Variants in TXNDC16 observed in about 807,000 individuals in gnomAD.
The protein encoded by TXNDC16 is thioredoxin domain-containing protein 16.
TXNDC16 carries 74 observed loss-of-function variants against 85.6 expected under a neutral mutation model. That is an observed-to-expected ratio of 0.86 (90% confidence interval 0.72 to 1.05). The LOEUF is 1.05. Ranked by LOEUF, TXNDC16 falls within the 50% of genes least tolerant of loss-of-function variation. The pLI, the probability that TXNDC16 is intolerant of heterozygous loss-of-function variation, is 0.00. For synonymous variants in TXNDC16, 335 were observed against 326.5 expected (o/e 1.03, Z -0.28); for missense variants, 959 against 947.0 (o/e 1.01, Z -0.17).
intron 16 of TXNDC16, among the ~76,000 whole-genome samples, chr14:52,461,515 T>C (rs1423359781): frequency 6.6e-6 from 1 of 152,232 alleles, no homozygotes; most frequent in Non-Finnish European, 1.5e-5. Flanking sequence ...AAATAAATTA[T>C]GACACAGGTA....
intron 12 of TXNDC16, among the ~76,000 whole-genome samples, chr14:52,486,038 T>C (rs554168926): frequency 6.6e-6 from 1 of 152,286 alleles, no homozygotes; most frequent in South Asian, 2.1e-4. Flanking sequence ...CCAAATTCCA[T>C]GACACTAAAA....
At chr14:52,542,346 T>G in intron 4 of TXNDC16, 25 bp downstream of exon 4, 1 of 1,487,848 alleles carries the variant, frequency 6.7e-7, no homozygotes, top group Non-Finnish European at 9.3e-7. Context: ...TCACTAATAT[T>G]TTAGTAACAT....
chr14:52,482,398 A>G, intron 13 of TXNDC16, 109 bp from the exon 14 acceptor site: 1 of 893,532 alleles, frequency 1.1e-6, no homozygotes, highest in Non-Finnish European at 1.7e-6. Flanking sequence ...ATTATTGTTA[A>G]TCAGAAATAT....
chr14:52,496,942 C>T (rs1166288569), intron 9 of TXNDC16, among the ~76,000 whole-genome samples: 1 of 151,752 alleles, frequency 6.6e-6, no homozygotes, highest in Non-Finnish European at 1.5e-5. Flanking sequence ...TTCCATTTGA[C>T]AAAAAACAAA....
chr14:52,496,800 G>A (rs1262502390), intron 9 of TXNDC16, among the ~76,000 whole-genome samples: 1 of 151,670 alleles, frequency 6.6e-6, no homozygotes, highest in Non-Finnish European at 1.5e-5. Flanking sequence ...TGTAGAGATG[G>A]GGGTCTTCAT....
Position 52,493,204 on chromosome 14 carries a change from T to C in TXNDC16, c.757-2199A>G, listed in dbSNP as rs1229341481. ...CACATGTCACTGTTCTATATATATA[T>C]ATATATATATATACACACACACACA... On this transcript the variant is annotated intron_variant, in intron 9 of 20. Coordinates refer to ENST00000281741, the MANE Select transcript of TXNDC16 (RefSeq NM_020784.3). Among the ~76,000 whole-genome samples, 64 of 108,218 alleles carry C rather than the reference T, an allele frequency of 5.9e-4. 1 individual carries two copies. The South Asian group carries it at 0.013, about 22-fold the overall frequency. The allele number at this position is 108,218 out of a possible 152,430, so 71.0% of individuals were successfully genotyped here.
intron 6 of TXNDC16, among the ~76,000 whole-genome samples, chr14:52,535,676 A>T (rs1025613215): frequency 9.2e-5 from 14 of 152,136 alleles, no homozygotes; most frequent in Non-Finnish European, 1.9e-4. Flanking sequence ...AGAGTCCAAG[A>T]ATGGACCCCA....
intron 9 of TXNDC16, among the ~76,000 whole-genome samples, chr14:52,508,017 T>C (rs559750323): frequency 2.3e-4 from 35 of 152,342 alleles, no homozygotes; most frequent in Middle Eastern, 3.4e-3. Context: ...AAGGACTTCA[T>C]GTCTAAAACA....
intron 16 of TXNDC16, among the ~76,000 whole-genome samples, chr14:52,465,087 G>GA (rs968557298): frequency 1.8e-4 from 27 of 152,032 alleles, no homozygotes; most frequent in African/African-American, 6.3e-4. Context: ...AAACAAAGTA[G>GA]AAAAAAATTG....
intron 16 of TXNDC16, among the ~76,000 whole-genome samples, chr14:52,465,535 T>C (rs1192429684): frequency 7.0e-6 from 1 of 143,024 alleles, no homozygotes; most frequent in African/African-American, 2.6e-5. Context: ...GAGCTTGCAG[T>C]GAGCCGAGAT....
At chr14:52,477,340 A>AT (rs1378726546) in intron 14 of TXNDC16, among the ~76,000 whole-genome samples, 2 of 152,228 alleles carry the variant, frequency 1.3e-5, no homozygotes, top group Non-Finnish European at 2.9e-5. Flanking sequence ...CTAACATTGA[A>AT]TGTAAATGGC....
Position 52,536,688 on chromosome 14 carries a change from AAACAAATG to A in TXNDC16, c.392+23_392+30del, listed in dbSNP as rs779664205. ...TGAAATCAACAGATAAGTAACAAGT[AAACAAATG>A]AATGTGTAGCCCCTGTACTTACAAG... On this transcript the variant is annotated intron_variant, in intron 6 of 20. Coordinates refer to ENST00000281741, the MANE Select transcript of TXNDC16 (RefSeq NM_020784.3). 2.1e-5 allele frequency: 32 copies of A among 1,540,296 alleles called. No homozygotes were observed. The Admixed American group carries it at 5.6e-4, about 27-fold the overall frequency.
intron 5 of TXNDC16, 112 bp downstream of exon 5, chr14:52,537,487 A>T: frequency 1.3e-6 from 1 of 775,034 alleles, no homozygotes; most frequent in Non-Finnish European, 2.1e-6. Context: ...GTTAAGCTTT[A>T]CATGATCCCC....
chr14:52,478,962 C>G (rs1430898374), intron 14 of TXNDC16, among the ~76,000 whole-genome samples: 4 of 151,988 alleles, frequency 2.6e-5, no homozygotes, highest in African/African-American at 9.7e-5. Context: ...AAAGATAATC[C>G]ACCATGATCA....
At chr14:52,502,033 T>C (rs900701286) in intron 9 of TXNDC16, among the ~76,000 whole-genome samples, 11 of 152,314 alleles carry the variant, frequency 7.2e-5, no homozygotes, top group African/African-American at 2.4e-4. Flanking sequence ...TCTATGAAAG[T>C]CCACGAATCT....
rs373622891 is a variant in TXNDC16, at chr14:52,500,071, T to G, written c.757-9066A>C. ...GAGTATATGGAGGTTCTTCAAAAAT[T>G]AAAAATGAAACTACCATATGATCCA... On this transcript the variant is annotated intron_variant, in intron 9 of 20. Transcript: ENST00000281741. Among the ~76,000 whole-genome samples, 407 of 152,144 alleles carry G rather than the reference T, an allele frequency of 2.7e-3. 3 individuals are homozygous for G. Among genetic ancestry groups the G allele is most frequent in the South Asian group, 0.024 (117 of 4,822 alleles).
intron 6 of TXNDC16, 133 bp from the exon 7 acceptor site, chr14:52,519,426 A>C: frequency 1.6e-6 from 1 of 635,846 alleles, no homozygotes. Flanking sequence ...TAATGTAAGC[A>C]TTTTAATAAT....
At chr14:52,495,241 C>A (rs2036503807) in intron 9 of TXNDC16, among the ~76,000 whole-genome samples, 1 of 152,192 alleles carries the variant, frequency 6.6e-6, no homozygotes. Context: ...GGCTCATACA[C>A]ATGGCTAATA....
At chr14:52,549,259 G>A (rs1298346930) in intron 1 of TXNDC16, among the ~76,000 whole-genome samples, 1 of 152,200 alleles carries the variant, frequency 6.6e-6, no homozygotes, top group South Asian at 2.1e-4. Context: ...AAACTCTGAA[G>A]AAGTGTGTTT....
Sources: gnomAD v4.1 joint callset for allele counts (sites outside exome capture counted in the v4.1 genomes callset) on GRCh38, gnomAD v4.1.1 for gene constraint, MANE v1.5 for transcripts, NCBI Gene and HGNC (gene_info 2026-07-23, HGNC 2026-07-21) for gene names.